Variants in NECAB1 observed in about 807,000 individuals in gnomAD.
The protein encoded by NECAB1 is N-terminal EF-hand calcium-binding protein 1.
In NECAB1, 29 loss-of-function variants were observed where a neutral mutation model predicts 57.5. The ratio of observed to expected loss-of-function variants is 0.50; its 90% CI spans 0.38 to 0.69. NECAB1 has a LOEUF of 0.69. NECAB1 is among the 30% of genes least tolerant of loss of function. The pLI is 0.00. For synonymous variants in NECAB1, 142 were observed against 147.7 expected (o/e 0.96, Z 0.28); for missense variants, 372 against 413.8 (o/e 0.90, Z 0.88).
intron 2 of NECAB1, among the ~76,000 whole-genome samples, chr8:90,820,044 C>A (rs1007913940): frequency 1.3e-5 from 2 of 151,882 alleles, no homozygotes; most frequent in African/African-American, 4.8e-5. Context: ...TGCTCATCCA[C>A]AATCAGCCTC....
In NECAB1 at chr8:90,956,070, G is replaced by C. The variant is rs1466559204; in HGVS notation, c.*558G>C. The C allele has an allele frequency of 1.3e-5, 2 of 151,930 alleles. No homozygotes were observed. Among genetic ancestry groups the C allele is most frequent in the East Asian group, 3.9e-4 (2 of 5,184 alleles). 9.4% of individuals were successfully genotyped at this position (151,930 alleles called of 1,614,324 possible). ...AGTATATAGGCATCAAACAACCTTG[G>C]CTGTAACCTATAGAATCTCTATCCA... On this transcript the variant is annotated 3_prime_UTR_variant, in exon 13 of 13. Coordinates refer to ENST00000417640, the MANE Select transcript of NECAB1 (RefSeq NM_022351.5).
At chr8:90,885,719 G>A (rs1030198934) in intron 5 of NECAB1, among the ~76,000 whole-genome samples, 2 of 152,074 alleles carry the variant, frequency 1.3e-5, no homozygotes, top group South Asian at 4.1e-4. Context: ...TAAGGTTTAT[G>A]TGGTTCCATA....
intron 2 of NECAB1, among the ~76,000 whole-genome samples, chr8:90,821,669 C>CT (rs1208342445): frequency 4.8e-4 from 72 of 149,252 alleles, no homozygotes; most frequent in African/African-American, 9.8e-4. Flanking sequence ...TATAGCTAGA[C>CT]TTTTTTTTTT....
chr8:90,856,477 C>A (rs1812796319), intron 3 of NECAB1, among the ~76,000 whole-genome samples: 1 of 152,076 alleles, frequency 6.6e-6, no homozygotes, highest in Non-Finnish European at 1.5e-5. Context: ...AGGCAAAGAT[C>A]CATGGGCAAC....
intron 3 of NECAB1, 69 bp from the exon 4 acceptor site, chr8:90,872,059 C>A: frequency 8.2e-7 from 1 of 1,220,610 alleles, no homozygotes; most frequent in African/African-American, 1.5e-5. Context: ...CTGTATTTAA[C>A]TATTTAAAAA....
intron 2 of NECAB1, among the ~76,000 whole-genome samples, chr8:90,809,962 A>G (rs1811928339): frequency 6.6e-6 from 1 of 152,218 alleles, no homozygotes; most frequent in Non-Finnish European, 1.5e-5. Flanking sequence ...TGTGAGGCAT[A>G]ATTTTATTTA....
chr8:90,843,200 G>A lies in NECAB1; in HGVS notation c.233+18375G>A, dbSNP rs775426702. ...ACAGGAAGGGGAAAAACCCACCCCCGTGATTCGATTACCTCCCACTGGATC... is the reference window on the plus strand; with the variant it reads ...ACAGGAAGGGGAAAAACCCACCCCCATGATTCGATTACCTCCCACTGGATC... On this transcript the variant is annotated intron_variant, in intron 3 of 12. Transcript: ENST00000417640. Among the ~76,000 whole-genome samples the A allele has an allele frequency of 5.9e-5, 9 of 152,252 alleles. No homozygotes were observed. In the East Asian group the frequency reaches 7.7e-4, roughly 13 times the overall value.
At position 90,955,112 on chromosome 8, in the gene NECAB1, TTATATATATATATATATA is replaced by T. The variant is rs59244524; in HGVS notation, c.1031-355_1031-338del. On this transcript the variant is annotated intron_variant, in intron 12 of 12. Transcript: ENST00000417640. Reference sequence around the variant, plus strand: ...ATTTCATAAATATTGGGTATATAAATTATATATATATATATATATATATATATATATATATATGGCCTA... The same window carrying T: ...ATTTCATAAATATTGGGTATATAAATTATATATATATATATATATGGCCTA... Among the ~76,000 whole-genome samples the T allele has an allele frequency of 6.6e-4, 47 of 70,808 alleles. 2 individuals carry two copies. The highest frequency in any genetic ancestry group is 3.2e-3 in the South Asian group (6 of 1,886). 46.5% of individuals were successfully genotyped at this position (70,808 alleles called of 152,430 possible). A position where few individuals can be genotyped will look rare whatever the true frequency, so the allele number is the denominator to read the frequency against.
chr8:90,917,617 C>A lies in NECAB1; in HGVS notation c.483C>A (p.Thr161=). 9 of 1,607,660 alleles carry A rather than the reference C, an allele frequency of 5.6e-6. No homozygotes were observed. Among genetic ancestry groups the A allele is most frequent in the Non-Finnish European group, 7.6e-6 (9 of 1,176,674 alleles). Residue 161 remains threonine, a synonymous_variant, in exon 6 of 13, where the codon ACC becomes ACA. Transcript: ENST00000417640. ...ECAMETTEEQ[T]RQERQGPAKP... is the part of the protein sequence containing the mutation. ...CCATGGAAACTACTGAGGAGCAAAC[C>A]CGTCAAGAAAGGCAATTTACATGTT...
rs1475113586 is a variant in NECAB1, at chr8:90,934,288, C to G, written c.694-16C>G. Reference sequence around the variant, plus strand: ...TAATTTTTTTTCTTTTCTGCCATTTCTTCCTCTTATTGAAGGATCTCAAAC... The same window carrying G: ...TAATTTTTTTTCTTTTCTGCCATTTGTTCCTCTTATTGAAGGATCTCAAAC... On this transcript the variant is annotated splice_polypyrimidine_tract_variant and intron_variant, in intron 8 of 12. Coordinates refer to ENST00000417640, the MANE Select transcript of NECAB1 (RefSeq NM_022351.5). The G allele has an allele frequency of 2.7e-6, 4 of 1,501,912 alleles. No individual in the cohort carries two copies. In the Admixed American group the frequency reaches 9.3e-5, roughly 35 times the overall value. 93.0% of individuals were successfully genotyped at this position (1,501,912 alleles called of 1,614,324 possible).
chr8:90,852,050 G>T (rs1812693672), intron 3 of NECAB1, among the ~76,000 whole-genome samples: 1 of 151,872 alleles, frequency 6.6e-6, no homozygotes, highest in Admixed American at 6.6e-5. Flanking sequence ...TTTTGTTGTT[G>T]TTATTTTTAA....
chr8:90,854,666 C>A (rs935916161), intron 3 of NECAB1, among the ~76,000 whole-genome samples: 21 of 152,184 alleles, frequency 1.4e-4, no homozygotes, highest in African/African-American at 2.4e-5. Flanking sequence ...AGCAAATACT[C>A]CAAAGCTATG....
chr8:90,897,652 C>A (rs1453704428), intron 5 of NECAB1, among the ~76,000 whole-genome samples: 3 of 152,186 alleles, frequency 2.0e-5, no homozygotes, highest in African/African-American at 4.8e-5. Context: ...AAAAAACTAT[C>A]AATTCTTTGA....
intron 5 of NECAB1, among the ~76,000 whole-genome samples, chr8:90,905,039 T>C (rs773462452): frequency 1.3e-5 from 2 of 152,184 alleles, no homozygotes; most frequent in Non-Finnish European, 1.5e-5. Flanking sequence ...ATATAAACTA[T>C]ACCTTTAGAA....
intron 3 of NECAB1, among the ~76,000 whole-genome samples, chr8:90,870,182 C>T (rs1354978171): frequency 6.6e-6 from 1 of 152,136 alleles, no homozygotes; most frequent in African/African-American, 2.4e-5. Context: ...TCCTGACAGT[C>T]TGTGGAATCA....
At chr8:90,939,525 C>T (rs760209297) in intron 9 of NECAB1, among the ~76,000 whole-genome samples, 13 of 152,056 alleles carry the variant, frequency 8.5e-5, no homozygotes, top group South Asian at 2.1e-4. Flanking sequence ...TGCCTTTAGA[C>T]GAAAAGAATT....
intron 5 of NECAB1, among the ~76,000 whole-genome samples, chr8:90,899,430 C>T (rs1809443920): frequency 6.6e-6 from 1 of 152,112 alleles, no homozygotes; most frequent in South Asian, 2.1e-4. Context: ...CTAGTCTTTA[C>T]AAGTTTTTAA....
chr8:90,935,253 C>G (rs1246670206), intron 9 of NECAB1, among the ~76,000 whole-genome samples: 2 of 152,172 alleles, frequency 1.3e-5, no homozygotes, highest in African/African-American at 2.4e-5. Context: ...GTGTAAGGCT[C>G]CTGCCCATCT....
At chr8:90,920,364 G>A (rs1810076550) in intron 6 of NECAB1, among the ~76,000 whole-genome samples, 1 of 152,160 alleles carries the variant, frequency 6.6e-6, no homozygotes, top group African/African-American at 2.4e-5. Context: ...AACCTAAAGG[G>A]ACTGTGTCTC....
Sources: allele counts gnomAD v4.1 joint callset (sites outside exome capture counted in the v4.1 genomes callset), GRCh38; gene constraint gnomAD v4.1.1; transcripts MANE v1.5; gene names NCBI Gene and HGNC (gene_info 2026-07-23, HGNC 2026-07-21).